Variants in SLC7A8 observed in about 807,000 individuals in gnomAD.
SLC7A8 encodes the protein large neutral amino acids transporter small subunit 2.
Under a neutral mutation model 51.2 loss-of-function variants are expected in SLC7A8, and 30 were observed. That is an observed-to-expected ratio of 0.59 (90% CI 0.44 to 0.80). The LOEUF (loss-of-function observed/expected upper bound fraction) is 0.80. Ranked by LOEUF, SLC7A8 falls within the 30% of genes least tolerant of loss-of-function variation. The pLI, the probability that SLC7A8 is intolerant of heterozygous loss-of-function variation, is 0.00. For synonymous variants in SLC7A8, 257 were observed against 275.8 expected (o/e 0.93, Z 0.67); for missense variants, 612 against 674.4 (o/e 0.91, Z 1.03).
At chr14:23,137,321 T>C (rs1594821118) in intron 7 of SLC7A8, among the ~76,000 whole-genome samples, 2 of 152,082 alleles carry the variant, frequency 1.3e-5, no homozygotes, top group South Asian at 2.1e-4. Context: ...TTCCCCACCC[T>C]CTCACTTCAC....
Position 23,138,009 on chromosome 14 carries a change from G to A in SLC7A8, c.928C>T (p.Leu310Phe), listed in dbSNP as rs1474532630. The change falls in exon 7 of 11, where the codon CTC (leucine) becomes TTC (phenylalanine). Residue 310 changes from leucine (L) to phenylalanine (F), a missense_variant. Coordinates refer to ENST00000316902, the MANE Select transcript of SLC7A8 (RefSeq NM_012244.4). ...ATGATCCAGGCCATGACTCCTAGGAGCTTCTCTCCAAAAGTCTGGGAGAGG... is the reference window on the plus strand; with the variant it reads ...ATGATCCAGGCCATGACTCCTAGGAACTTCTCTCCAAAAGTCTGGGAGAGG... ...NAVAVTFGEK[L>F]LGVMAWIMPI... The A allele has an allele frequency of 1.2e-6, 2 of 1,613,700 alleles. No individual in the cohort carries two copies. The highest frequency in any genetic ancestry group is 1.7e-6 in the Non-Finnish European group (2 of 1,179,864).
intron 1 of SLC7A8, among the ~76,000 whole-genome samples, chr14:23,173,261 C>A (rs1005938193): frequency 6.6e-6 from 1 of 152,134 alleles, no homozygotes; most frequent in Non-Finnish European, 1.5e-5. Flanking sequence ...TGCATGAGGG[C>A]TATTGCAATA....
At chr14:23,176,174 A>G (rs1348759692) in intron 1 of SLC7A8, among the ~76,000 whole-genome samples, 1 of 152,244 alleles carries the variant, frequency 6.6e-6, no homozygotes, top group African/African-American at 2.4e-5. Context: ...ATCATATTAG[A>G]GACTAAAATG....
At chr14:23,168,775 C>CTGCA (rs1346876994) in intron 1 of SLC7A8, among the ~76,000 whole-genome samples, 1 of 152,194 alleles carries the variant, frequency 6.6e-6, no homozygotes, top group Non-Finnish European at 1.5e-5. Flanking sequence ...AAAACAAACA[C>CTGCA]TGCAGCAGGG....
chr14:23,156,374 T>C (rs2140329459), intron 3 of SLC7A8: 1 of 152,350 alleles, frequency 6.6e-6, no homozygotes, highest in South Asian at 2.1e-4. Flanking sequence ...ATCTTCTCTG[T>C]ACTGCTCCAA....
chr14:23,140,291 G>A (rs1208840435), intron 5 of SLC7A8, among the ~76,000 whole-genome samples, 180 bp downstream of exon 5: 1 of 152,160 alleles, frequency 6.6e-6, no homozygotes, highest in African/African-American at 2.4e-5. Flanking sequence ...CCTCCTGGTG[G>A]GGTGAACGGC....
chr14:23,181,155 G>A (rs189694972), intron 1 of SLC7A8, among the ~76,000 whole-genome samples: 260 of 150,736 alleles, frequency 1.7e-3, no homozygotes, highest in African/African-American at 6.1e-3. Flanking sequence ...CTTCCTAGAG[G>A]GGGAAAATGC....
intron 3 of SLC7A8, among the ~76,000 whole-genome samples, chr14:23,145,536 AG>A (rs55845618): frequency 0.77 from 110,584 of 143,324 alleles, 42,834 homozygotes; most frequent in East Asian, 0.84. Flanking sequence ...CAAAAAAAAA[AG>A]AAAAAAAAAT....
Position 23,127,132 on chromosome 14 carries a change from G to C in SLC7A8, c.*45C>G. On this transcript the variant is annotated 3_prime_UTR_variant, in exon 11 of 11. Transcript: ENST00000316902. ...TGGCAGGACCAAGGCAGGGAGGTAG[G>C]ATAAAAGGGGGAGGAAGGAGAGAGT... is the stretch of plus-strand genomic sequence containing the variant. 1 of 1,610,104 alleles carries C rather than the reference G, an allele frequency of 6.2e-7. No individual in the cohort carries two copies. Among genetic ancestry groups the C allele is most frequent in the Non-Finnish European group, 8.5e-7 (1 of 1,177,072 alleles).
rs529802942 is a variant in SLC7A8, at chr14:23,163,728, T to C, written c.508+1557A>G. ...AAGCTATGGGAAGGCAGGGACCCAG[T>C]GAACCCTAGAGGTGGAGCCCCTGAA... On this transcript the variant is annotated intron_variant, in intron 3 of 10. Transcript: ENST00000316902. Among the ~76,000 whole-genome samples the C allele has an allele frequency of 2.0e-5, 3 of 152,206 alleles. No individual in the cohort carries two copies. The East Asian group carries it at 5.8e-4, about 29-fold the overall frequency.
At chr14:23,131,424 G>A (rs747320384) in intron 8 of SLC7A8, 37 bp downstream of exon 8, 4 of 1,492,228 alleles carry the variant, frequency 2.7e-6, no homozygotes, top group Non-Finnish European at 3.6e-6. Context: ...CAAAGAGAGG[G>A]AGGTGTGTGG....
chr14:23,147,224 T>C (rs923751590), intron 3 of SLC7A8, among the ~76,000 whole-genome samples: 21 of 151,970 alleles, frequency 1.4e-4, no homozygotes, highest in African/African-American at 4.4e-4. Flanking sequence ...CATCTATCCA[T>C]CCATCCATCT....
chr14:23,169,357 A>T (rs1255758353), intron 1 of SLC7A8, among the ~76,000 whole-genome samples: 2 of 152,092 alleles, frequency 1.3e-5, no homozygotes, highest in Non-Finnish European at 2.9e-5. Context: ...GTCTCAAATA[A>T]ATAAATAAAT....
At chr14:23,171,753 G>C (rs2140338425) in intron 1 of SLC7A8, among the ~76,000 whole-genome samples, 1 of 152,322 alleles carries the variant, frequency 6.6e-6, no homozygotes, top group East Asian at 1.9e-4. Context: ...CGTGAAAGCA[G>C]GTCTGGCATG....
chr14:23,183,113 G>T lies in SLC7A8; in HGVS notation c.-199C>A, dbSNP rs568937755. The stretch of plus-strand genomic sequence containing the variant: ...GCATTCACACTTTCTGGTCACTCGC[G>T]TTTACAAACAAGAAAAGTGTTGCTA... On this transcript the variant is annotated 5_prime_UTR_variant, in exon 1 of 11. Transcript: ENST00000316902. 1.4e-5 allele frequency: 2 copies of T among 142,680 alleles called. No homozygotes were observed. The highest frequency in any genetic ancestry group is 2.6e-5 in the Non-Finnish European group (2 of 75,644). 8.8% of individuals were successfully genotyped at this position (142,680 alleles called of 1,614,324 possible).
At chr14:23,144,950 T>C (rs1405182587) in intron 3 of SLC7A8, among the ~76,000 whole-genome samples, 1 of 148,936 alleles carries the variant, frequency 6.7e-6, no homozygotes, top group Non-Finnish European at 1.5e-5. Context: ...TTTTTTTTTC[T>C]GAGACGGAGT....
At chr14:23,173,168 G>A (rs1041262167) in intron 1 of SLC7A8, among the ~76,000 whole-genome samples, 1 of 152,218 alleles carries the variant, frequency 6.6e-6, no homozygotes, top group Non-Finnish European at 1.5e-5. Flanking sequence ...GTGAGACACA[G>A]TGCCTGGTTT....
intron 8 of SLC7A8, chr14:23,130,022 A>G: frequency 1.9e-6 from 1 of 524,430 alleles, no homozygotes; most frequent in Non-Finnish European, 3.3e-6. Context: ...ATATTTAACC[A>G]CTCGTATGGC....
At chr14:23,154,223 C>T in intron 3 of SLC7A8, 2 of 998,620 alleles carry the variant, frequency 2.0e-6, no homozygotes, top group Non-Finnish European at 2.4e-6. Flanking sequence ...TCACCTGGGT[C>T]ATGGCCTGCC....
Sources: allele counts gnomAD v4.1 joint callset (sites outside exome capture counted in the v4.1 genomes callset), GRCh38; gene constraint gnomAD v4.1.1; transcripts MANE v1.5; gene names NCBI Gene and HGNC (gene_info 2026-07-23, HGNC 2026-07-21).